Variants in RTL4 observed in about 807,000 individuals in gnomAD.
RTL4 encodes retrotransposon Gag like 4.
Under a neutral mutation model 5.3 loss-of-function variants are expected in RTL4, and 4 were observed. The observed-to-expected ratio is 0.75, with a 90% CI of 0.37 to 1.72. RTL4 has a LOEUF of 1.72. Among genes scored for constraint, RTL4 ranks in the 40% most tolerant of loss-of-function variants. The pLI is 0.04. For synonymous variants in RTL4, 98 were observed against 87.3 expected (o/e 1.12, Z -0.68); for missense variants, 260 against 227.1 (o/e 1.14, Z -0.93).
the RTL4 span, among the ~76,000 whole-genome samples, chrX:112,129,658 A>G: frequency 3.6e-5 from 4 of 112,113 alleles, no homozygotes; most frequent in African/African-American, 1.3e-4. Context: ...TGTATCCATT[A>G]TTGTATAGCA....
At chrX:112,225,295 C>T in the RTL4 span, among the ~76,000 whole-genome samples, 4 of 111,743 alleles carry the variant, frequency 3.6e-5, no homozygotes, top group Admixed American at 9.5e-5. Flanking sequence ...TGGCATATTA[C>T]GTGTATACAT....
the RTL4 span, among the ~76,000 whole-genome samples, chrX:112,260,656 A>G: frequency 0.011 from 1,258 of 111,940 alleles, 6 homozygotes; most frequent in Middle Eastern, 0.023. Flanking sequence ...TTATAGATCC[A>G]TGCAAATGAC....
the RTL4 span, among the ~76,000 whole-genome samples, chrX:112,104,349 G>A: frequency 8.9e-6 from 1 of 112,232 alleles, no homozygotes; most frequent in Non-Finnish European, 1.9e-5. Flanking sequence ...GAATAATGCT[G>A]CAGTAAACAT....
At chrX:112,244,131 T>A in the RTL4 span, among the ~76,000 whole-genome samples, 2 of 112,121 alleles carry the variant, frequency 1.8e-5, no homozygotes, top group Non-Finnish European at 3.8e-5. Context: ...TGGTCAATTT[T>A]AGAATAAGTG....
chrX:112,393,259 C>T, the RTL4 span, among the ~76,000 whole-genome samples: 3 of 106,138 alleles, frequency 2.8e-5, no homozygotes, highest in Admixed American at 2.0e-4. Flanking sequence ...CTGCAACCTC[C>T]GCCTCCCGGG....
At chrX:112,353,232 G>C in the RTL4 span, among the ~76,000 whole-genome samples, 53 of 111,819 alleles carry the variant, frequency 4.7e-4, no homozygotes, top group Middle Eastern at 0.014. Context: ...TACACTGTTG[G>C]TGGGATTGTA....
chrX:112,408,696 A>G, the RTL4 span, among the ~76,000 whole-genome samples: 1 of 111,816 alleles, frequency 8.9e-6, no homozygotes, highest in Non-Finnish European at 1.9e-5. Flanking sequence ...AACCTAAAGA[A>G]GATTACCTCA....
chrX:112,242,866 T>A, the RTL4 span, among the ~76,000 whole-genome samples: 1 of 111,562 alleles, frequency 9.0e-6, no homozygotes, highest in African/African-American at 3.3e-5. Flanking sequence ...TTGAAATACA[T>A]CAGTACCTAG....
At chrX:112,224,328 T>G in the RTL4 span, among the ~76,000 whole-genome samples, 1 of 105,154 alleles carries the variant, frequency 9.5e-6, no homozygotes, top group Non-Finnish European at 1.9e-5. Context: ...ATTTATTTAT[T>G]TATTTATTTA....
At chrX:112,088,492 C>T in the RTL4 span, among the ~76,000 whole-genome samples, 1 of 112,075 alleles carries the variant, frequency 8.9e-6, no homozygotes, top group Non-Finnish European at 1.9e-5. Flanking sequence ...TCCACCTTTT[C>T]TATTATGAAT....
the RTL4 span, among the ~76,000 whole-genome samples, chrX:112,330,890 A>C: frequency 9.0e-6 from 1 of 111,374 alleles, no homozygotes; most frequent in African/African-American, 3.3e-5. Context: ...AAACCTGAGA[A>C]AAACAAGAAA....
the RTL4 span, among the ~76,000 whole-genome samples, chrX:112,328,441 T>G: frequency 9.0e-6 from 1 of 111,369 alleles, no homozygotes; most frequent in Admixed American, 9.5e-5. Flanking sequence ...AGGGAACAAT[T>G]CAACAAGAAG....
chrX:112,144,875 G>A, the RTL4 span, among the ~76,000 whole-genome samples: 8,536 of 111,282 alleles, frequency 0.077, 438 homozygotes, highest in African/African-American at 0.18. Flanking sequence ...TAACTATATT[G>A]CTAAAGGCCA....
At chrX:112,298,396 CT>C in the RTL4 span, among the ~76,000 whole-genome samples, 1 of 111,891 alleles carries the variant, frequency 8.9e-6, no homozygotes, top group African/African-American at 3.2e-5. Context: ...CTATGAAATT[CT>C]GCCTCTAAAC....
chrX:112,360,482 A>T, the RTL4 span, among the ~76,000 whole-genome samples: 3 of 111,482 alleles, frequency 2.7e-5, no homozygotes, highest in East Asian at 8.5e-4. Flanking sequence ...TATGTTGCTT[A>T]TCAAAGGACC....
the RTL4 span, among the ~76,000 whole-genome samples, chrX:112,309,871 T>C: frequency 2.9e-5 from 3 of 104,899 alleles, no homozygotes; most frequent in Admixed American, 1.1e-4. Context: ...CATATATACA[T>C]ACATATATAT....
At chrX:112,229,692 T>C in the RTL4 span, among the ~76,000 whole-genome samples, 2 of 112,035 alleles carry the variant, frequency 1.8e-5, no homozygotes, top group African/African-American at 3.2e-5. Flanking sequence ...ATTGATGACA[T>C]ACAGATGGGT....
At chrX:112,310,430 G>GAAA in the RTL4 span, among the ~76,000 whole-genome samples, 1 of 7,627 alleles carries the variant, frequency 1.3e-4, no homozygotes, top group African/African-American at 3.9e-4. Flanking sequence ...TATAATATAC[G>GAAA]TATATATAAT....
At chrX:112,453,022 G>A (rs190410888), upstream of RTL4, among the ~76,000 whole-genome samples, 1 of 79,143 alleles carries the variant, frequency 1.3e-5, no homozygotes, top group Non-Finnish European at 2.3e-5. Context: ...ACAAGAGCGA[G>A]ACTCTGTCTC....
Sources: allele counts gnomAD v4.1 joint callset (sites outside exome capture counted in the v4.1 genomes callset), GRCh38; gene constraint gnomAD v4.1.1; transcripts MANE v1.5; gene names NCBI Gene and HGNC (gene_info 2026-07-23, HGNC 2026-07-21).